The following SPMIP7 variants were observed in gnomAD, a reference collection of about 807,000 sequenced individuals.
SPMIP7 encodes sperm microtubule inner protein 7, also known as protein SPMIP7.
At chr7:50,136,205 A>C in the SPMIP7 span, 1,282 of 1,372,934 alleles carry the variant, frequency 9.3e-4, no homozygotes, top group Non-Finnish European at 1.2e-3. Context: ...TAGGTTTCTC[A>C]CTATCATGTT....
At chr7:50,149,387 TTTTCATA>T in the SPMIP7 span, among the ~76,000 whole-genome samples, 1 of 152,222 alleles carries the variant, frequency 6.6e-6, no homozygotes, top group Non-Finnish European at 1.5e-5. Flanking sequence ...TTGCTAGCTG[TTTTCATA>T]TTCATTGAAG....
the SPMIP7 span, among the ~76,000 whole-genome samples, chr7:50,120,624 C>T: frequency 6.6e-6 from 1 of 152,154 alleles, no homozygotes; most frequent in Non-Finnish European, 1.5e-5. Flanking sequence ...AGGGACATTT[C>T]TCAGGGGAAA....
At chr7:50,136,921 T>A in the SPMIP7 span, among the ~76,000 whole-genome samples, 1 of 152,202 alleles carries the variant, frequency 6.6e-6, no homozygotes, top group Non-Finnish European at 1.5e-5. Context: ...TCTGTGTGTA[T>A]GCTCCCCAAC....
the SPMIP7 span, among the ~76,000 whole-genome samples, chr7:50,137,599 C>CA: frequency 1.0e-3 from 156 of 152,096 alleles, 2 homozygotes; most frequent in Non-Finnish European, 7.8e-4. Context: ...TGTTCTTCTC[C>CA]AAATGAGTTT....
the SPMIP7 span, chr7:50,096,051 C>G: frequency 7.4e-7 from 1 of 1,344,948 alleles, no homozygotes; most frequent in South Asian, 1.6e-5. Context: ...ATCAGAAATA[C>G]TTTATAGTTA....
the SPMIP7 span, among the ~76,000 whole-genome samples, chr7:50,136,446 G>A: frequency 1.3e-5 from 1 of 79,930 alleles, no homozygotes; most frequent in Non-Finnish European, 2.6e-5. Flanking sequence ...CAGGAGAACC[G>A]CTTGGATCCA....
chr7:50,127,626 T>A, the SPMIP7 span, among the ~76,000 whole-genome samples: 1 of 148,740 alleles, frequency 6.7e-6, no homozygotes, highest in South Asian at 2.1e-4. Flanking sequence ...TCTATATATA[T>A]ATATATATAC....
the SPMIP7 span, among the ~76,000 whole-genome samples, chr7:50,125,375 C>CATATATACACACATATATAT: frequency 4.6e-5 from 4 of 87,764 alleles, no homozygotes; most frequent in Admixed American, 1.3e-4. Context: ...CATATATATA[C>CATATATACACACATATATAT]ACATATACAC....
the SPMIP7 span, among the ~76,000 whole-genome samples, chr7:50,145,364 T>C: frequency 6.6e-6 from 1 of 151,452 alleles, no homozygotes; most frequent in South Asian, 2.1e-4. Context: ...AGTTTGAAGA[T>C]AAGCTCAGTC....
the SPMIP7 span, among the ~76,000 whole-genome samples, chr7:50,150,274 A>AT: frequency 3.3e-5 from 5 of 152,134 alleles, no homozygotes; most frequent in African/African-American, 1.2e-4. Flanking sequence ...CTGGGCACCA[A>AT]TTTTGAATAG....
the SPMIP7 span, among the ~76,000 whole-genome samples, chr7:50,156,550 C>T: frequency 2.6e-5 from 4 of 151,592 alleles, no homozygotes; most frequent in Non-Finnish European, 4.4e-5. Flanking sequence ...CACTTCCCCA[C>T]GCCCCTCTCA....
the SPMIP7 span, among the ~76,000 whole-genome samples, chr7:50,102,493 G>A: frequency 1.3e-5 from 2 of 152,070 alleles, no homozygotes; most frequent in African/African-American, 4.8e-5. Flanking sequence ...TGCTCCTAGA[G>A]GCTACCCATA....
the SPMIP7 span, among the ~76,000 whole-genome samples, chr7:50,155,791 T>A: frequency 1.2e-3 from 2 of 1,634 alleles, no homozygotes; most frequent in African/African-American, 2.7e-3. Flanking sequence ...GCAATCCCTC[T>A]CAATACACAC....
the SPMIP7 span, among the ~76,000 whole-genome samples, chr7:50,152,244 G>T: frequency 6.6e-6 from 1 of 152,170 alleles, no homozygotes; most frequent in Non-Finnish European, 1.5e-5. Flanking sequence ...CTATTTGGGA[G>T]GCTGAGGCAG....
the SPMIP7 span, among the ~76,000 whole-genome samples, chr7:50,154,225 TTTTCCCC>T: frequency 1.3e-5 from 2 of 152,174 alleles, no homozygotes; most frequent in Admixed American, 6.5e-5. Flanking sequence ...TAGTTACCCA[TTTTCCCC>T]TTCCCCCTGT....
At chr7:50,135,828 C>T in the SPMIP7 span, among the ~76,000 whole-genome samples, 1 of 152,102 alleles carries the variant, frequency 6.6e-6, no homozygotes. Flanking sequence ...TCAGACTTTC[C>T]ACATGGGTTT....
At chr7:50,126,323 A>G in the SPMIP7 span, among the ~76,000 whole-genome samples, 3 of 152,062 alleles carry the variant, frequency 2.0e-5, no homozygotes, top group Admixed American at 6.6e-5. Context: ...TTTAAAAATC[A>G]AAGTTAACAA....
the SPMIP7 span, chr7:50,134,256 C>T: frequency 6.6e-7 from 1 of 1,520,652 alleles, no homozygotes; most frequent in African/African-American, 1.4e-5. Context: ...GGTCAGCAGA[C>T]TTCTCTGAAC....
At chr7:50,101,090 A>G in the SPMIP7 span, among the ~76,000 whole-genome samples, 1 of 152,208 alleles carries the variant, frequency 6.6e-6, no homozygotes, top group Admixed American at 6.5e-5. Flanking sequence ...ATCCTCAGCA[A>G]TTCACCCTGT....
Sources: allele counts gnomAD v4.1 joint callset (sites outside exome capture counted in the v4.1 genomes callset), GRCh38; gene constraint gnomAD v4.1.1; transcripts MANE v1.5; gene names NCBI Gene and HGNC (gene_info 2026-07-23, HGNC 2026-07-21).